TMEM108: variants seen among roughly 807,000 people sequenced by gnomAD.
TMEM108 encodes the protein transmembrane protein 108, also known as cancer/testis antigen 124.
Under a neutral mutation model 35.1 loss-of-function variants are expected in TMEM108, and 12 were observed. That is an observed-to-expected ratio of 0.34 (90% CI 0.22 to 0.55). The LOEUF is 0.55. TMEM108 is among the 20% of genes least tolerant of loss of function. The pLI is 0.89. For synonymous variants in TMEM108, 287 were observed against 308.6 expected (o/e 0.93, Z 0.73); for missense variants, 680 against 753.3 (o/e 0.90, Z 1.14).
At chr3:133,120,991 T>C (rs1027930719) in intron 2 of TMEM108, 1 of 152,250 alleles carries the variant, frequency 6.6e-6, no homozygotes, top group African/African-American at 2.4e-5. Context: ...TTGTGAACTG[T>C]ATCGATATGT....
chr3:133,067,811 T>A (rs915620121), intron 2 of TMEM108, among the ~76,000 whole-genome samples: 1 of 152,160 alleles, frequency 6.6e-6, no homozygotes, highest in Non-Finnish European at 1.5e-5. Context: ...AGTTTTGTGC[T>A]GCTGTAACAA....
Position 133,346,259 on chromosome 3 carries a change from T to C in TMEM108, c.41-33493T>C, listed in dbSNP as rs1469906277. Among the ~76,000 whole-genome samples, 1 of 152,014 alleles carries C rather than the reference T, an allele frequency of 6.6e-6. No homozygotes were observed. The highest frequency in any genetic ancestry group is 6.6e-5 in the Admixed American group (1 of 15,226). On this transcript the variant is annotated intron_variant, in intron 3 of 5. Transcript: ENST00000321871. This position sits in a 1 kb window ranked among gnomAD's most constrained non-coding sequence, Gnocchi z 4.0. Reference sequence around the variant, plus strand: ...TACCATTTTGCATTCCTGTCAGCACTGAATGAGAGTTCCTGTTACTTCACT... The same window carrying C: ...TACCATTTTGCATTCCTGTCAGCACCGAATGAGAGTTCCTGTTACTTCACT...
At chr3:133,107,856 A>C (rs1450534287) in intron 2 of TMEM108, among the ~76,000 whole-genome samples, 2 of 152,136 alleles carry the variant, frequency 1.3e-5, no homozygotes, top group African/African-American at 4.8e-5. Context: ...CCTAAATCCA[A>C]GTTTTGAGGA....
At chr3:133,073,784 A>G (rs1943708241) in intron 2 of TMEM108, among the ~76,000 whole-genome samples, 1 of 151,848 alleles carries the variant, frequency 6.6e-6, no homozygotes, top group Non-Finnish European at 1.5e-5. Context: ...CCAACAGTGT[A>G]CAAGAGTTCC....
Position 133,380,687 on chromosome 3 carries a change from C to G in TMEM108, c.976C>G (p.Gln326Glu), listed in dbSNP as rs1460111713. Residue 326 changes from glutamine to glutamate, a missense_variant, in exon 4 of 6, where the codon CAG becomes GAG. Physicochemically the swap from Gln to Glu is conservative, Grantham distance 29. This residue lies in a region of TMEM108 where 526 missense variants were observed against 532.1 expected (regional missense o/e 0.99). Coordinates refer to ENST00000321871, the MANE Select transcript of TMEM108 (RefSeq NM_023943.4). This position sits in a 1 kb window ranked among gnomAD's most constrained non-coding sequence, Gnocchi z 5.3. Reference sequence around the variant, plus strand: ...TCAGCGCCCCCACCACGGTGACCCACAGGATGGCCCCAGCCATAGTGACTC... The same window carrying G: ...TCAGCGCCCCCACCACGGTGACCCAGAGGATGGCCCCAGCCATAGTGACTC... ...PSQRPHHGDPQDGPSHSDSWL... is the reference protein window; with the variant it reads ...PSQRPHHGDPEDGPSHSDSWL... 1.9e-6 allele frequency: 3 copies of G among 1,614,044 alleles called. No homozygotes were observed.
chr3:133,194,443 A>C (rs543164292), intron 2 of TMEM108, among the ~76,000 whole-genome samples: 1 of 152,332 alleles, frequency 6.6e-6, no homozygotes, highest in East Asian at 1.9e-4. Context: ...AACTAGATTC[A>C]TCCTAACAAA....
chr3:133,064,849 A>G (rs75361250), intron 2 of TMEM108, among the ~76,000 whole-genome samples: 4,198 of 152,240 alleles, frequency 0.028, 102 homozygotes, highest in South Asian at 0.061. Context: ...CCTAGAGATC[A>G]CTTATGCAGT....
chr3:133,151,989 A>G (rs1171787220), intron 2 of TMEM108, among the ~76,000 whole-genome samples: 2 of 152,176 alleles, frequency 1.3e-5, no homozygotes, highest in Admixed American at 1.3e-4. Flanking sequence ...TACTGTATGC[A>G]TCTACAGCTG....
chr3:133,112,728 G>T (rs1393052883), intron 2 of TMEM108, among the ~76,000 whole-genome samples: 1 of 152,156 alleles, frequency 6.6e-6, no homozygotes, highest in Non-Finnish European at 1.5e-5. Flanking sequence ...GCAGTCAAAT[G>T]TGTTTATCAA....
rs1027969415 is a variant in TMEM108 at position 133,204,134 on chromosome 3, G to A, written c.-46-25132G>A. Among the ~76,000 whole-genome samples the A allele has an allele frequency of 6.6e-4, 101 of 151,924 alleles. 1 individual carries two copies. The highest frequency in any genetic ancestry group is 2.3e-3 in the African/African-American group (95 of 41,324). ...TAGTTTGTATTTCTGTGGGATCAGTGGTGACTGATCCTCTCTATCATTTTT... is the reference window on the plus strand; with the variant it reads ...TAGTTTGTATTTCTGTGGGATCAGTAGTGACTGATCCTCTCTATCATTTTT... On this transcript the variant is annotated intron_variant, in intron 2 of 5. Transcript: ENST00000321871.
intron 2 of TMEM108, among the ~76,000 whole-genome samples, chr3:133,074,018 A>G (rs1395012855): frequency 1.3e-5 from 2 of 152,028 alleles, no homozygotes; most frequent in Non-Finnish European, 1.5e-5. Context: ...TCATTCATTG[A>G]GATTCATAGA....
intron 3 of TMEM108, among the ~76,000 whole-genome samples, chr3:133,347,990 T>C (rs1440117209): frequency 6.6e-6 from 1 of 152,098 alleles, no homozygotes; most frequent in Non-Finnish European, 1.5e-5. Flanking sequence ...AATAGCCTTA[T>C]TGAAATCCAA....
intron 2 of TMEM108, among the ~76,000 whole-genome samples, chr3:133,203,022 G>T (rs1008510895): frequency 3.3e-5 from 5 of 152,136 alleles, no homozygotes; most frequent in Non-Finnish European, 5.9e-5. Flanking sequence ...CTTGTAAGTT[G>T]TATTCCTAGG....
chr3:133,221,389 GC>G (rs1945988061), intron 2 of TMEM108, among the ~76,000 whole-genome samples: 1 of 152,128 alleles, frequency 6.6e-6, no homozygotes, highest in African/African-American at 2.4e-5. Context: ...GGTCATAGGG[GC>G]TTTGTGTCAG....
chr3:133,303,815 A>C (rs968600619), intron 3 of TMEM108, among the ~76,000 whole-genome samples: 2 of 152,238 alleles, frequency 1.3e-5, no homozygotes, highest in Non-Finnish European at 2.9e-5. Flanking sequence ...TGGAAAGACA[A>C]ATGATTCTAT....
intron 3 of TMEM108, among the ~76,000 whole-genome samples, chr3:133,257,879 G>A (rs1946569780): frequency 6.6e-6 from 1 of 152,136 alleles, no homozygotes; most frequent in African/African-American, 2.4e-5. Context: ...ATCCCTGTTT[G>A]GAAGAAGCCA....
chr3:133,068,587 A>G (rs2107687501), intron 2 of TMEM108, among the ~76,000 whole-genome samples: 1 of 152,266 alleles, frequency 6.6e-6, no homozygotes, highest in African/African-American at 2.4e-5. Context: ...TGTGGATAGG[A>G]AAGGGAGAAT....
intron 2 of TMEM108, among the ~76,000 whole-genome samples, chr3:133,216,706 G>A (rs1453251006): frequency 1.3e-5 from 2 of 151,932 alleles, no homozygotes; most frequent in African/African-American, 4.8e-5. Flanking sequence ...TTTCTGTGCT[G>A]GGCTTATTTC....
At chr3:133,355,069 T>C (rs1303050256) in intron 3 of TMEM108, among the ~76,000 whole-genome samples, 2 of 152,182 alleles carry the variant, frequency 1.3e-5, no homozygotes, top group African/African-American at 4.8e-5. Flanking sequence ...AAGAATTCCA[T>C]AGTGAGACCT....
Sources: gnomAD v4.1 joint callset for allele counts (sites outside exome capture counted in the v4.1 genomes callset) on GRCh38, gnomAD v4.1.1 for gene constraint, gnomAD v4.1.1 regional missense constraint, Gnocchi (gnomAD v3.1) non-coding constraint, MANE v1.5 for transcripts, NCBI Gene and HGNC (gene_info 2026-07-23, HGNC 2026-07-21) for gene names.